Variants in DSCAM observed in about 807,000 individuals in gnomAD.
DSCAM encodes the protein cell adhesion molecule DSCAM.
A neutral mutation model predicts 217.7 loss-of-function variants in DSCAM; 47 were observed. The ratio of observed to expected loss-of-function variants is 0.22; its 90% CI spans 0.17 to 0.28. The LOEUF is 0.28. Among genes scored for constraint, DSCAM ranks in the 10% least tolerant of loss-of-function variants. DSCAM has a pLI of 1.00. For synonymous variants in DSCAM, 1,056 were observed against 1,015.3 expected (o/e 1.04, Z -0.76); for missense variants, 2,080 against 2,618.3 (o/e 0.79, Z 4.49).
At chr21:40,045,255 C>A (rs942247161) in intron 30 of DSCAM, among the ~76,000 whole-genome samples, 3 of 152,188 alleles carry the variant, frequency 2.0e-5, no homozygotes, top group African/African-American at 7.2e-5. Flanking sequence ...CTGTTTTATT[C>A]ATTAAGTTGA....
chr21:40,460,339 A>T (rs932058784), intron 3 of DSCAM, among the ~76,000 whole-genome samples: 1 of 152,210 alleles, frequency 6.6e-6, no homozygotes, highest in Non-Finnish European at 1.5e-5. Context: ...ATAAAAAATA[A>T]AAACAAGTTC....
At chr21:40,612,581 A>G (rs2089330323) in intron 3 of DSCAM, among the ~76,000 whole-genome samples, 1 of 152,240 alleles carries the variant, frequency 6.6e-6, no homozygotes, top group Non-Finnish European at 1.5e-5. Context: ...ATCCTGGAGC[A>G]GACGGGAGTT....
chr21:40,700,243 T>C (rs1004691480), intron 2 of DSCAM, among the ~76,000 whole-genome samples: 18 of 152,222 alleles, frequency 1.2e-4, no homozygotes, highest in South Asian at 2.1e-4. Context: ...AGAATAGAAG[T>C]GGTGAGAGCA....
intron 11 of DSCAM, among the ~76,000 whole-genome samples, chr21:40,272,972 AG>A (rs2073639368): frequency 6.6e-6 from 1 of 152,156 alleles, no homozygotes; most frequent in South Asian, 2.1e-4. Flanking sequence ...ACACCACTCC[AG>A]GGCTGAGCTT....
At chr21:40,784,828 C>T (rs898433620) in intron 1 of DSCAM, among the ~76,000 whole-genome samples, 32 of 152,326 alleles carry the variant, frequency 2.1e-4, no homozygotes, top group African/African-American at 6.3e-4. Flanking sequence ...TAATGTTAGA[C>T]TTTCAGCCTC....
At chr21:40,296,917 A>C (rs150818123) in intron 9 of DSCAM, among the ~76,000 whole-genome samples, 64 of 151,368 alleles carry the variant, frequency 4.2e-4, no homozygotes, top group African/African-American at 1.4e-3. Flanking sequence ...TTCATCTTGG[A>C]TGTGAACTGG....
At chr21:40,316,609 A>G (rs1202305399) in intron 8 of DSCAM, among the ~76,000 whole-genome samples, 2 of 152,196 alleles carry the variant, frequency 1.3e-5, no homozygotes, top group African/African-American at 4.8e-5. Context: ...AAAAGCTTGT[A>G]TATCATAGGA....
At chr21:40,674,790 G>A (rs192356980) in intron 3 of DSCAM, among the ~76,000 whole-genome samples, 1 of 151,748 alleles carries the variant, frequency 6.6e-6, no homozygotes, top group Admixed American at 6.6e-5. Context: ...CTGCCACCAC[G>A]CCCGGCTAAT....
chr21:40,173,703 C>A (rs1160423795), intron 15 of DSCAM, among the ~76,000 whole-genome samples: 4 of 152,138 alleles, frequency 2.6e-5, no homozygotes, highest in Admixed American at 1.3e-4. Flanking sequence ...CCCTCCACCC[C>A]AGCTCAGCAC....
At position 40,114,503 on chromosome 21, in the gene DSCAM, G is replaced by A. The variant is rs368397859; in HGVS notation, c.3696+9692C>T. Among the ~76,000 whole-genome samples the A allele has an allele frequency of 5.9e-5, 9 of 151,618 alleles. 1 individual carries two copies. The South Asian group carries it at 1.7e-3, about 28-fold the overall frequency. On this transcript the variant is annotated intron_variant, in intron 20 of 32. Coordinates refer to ENST00000400454, the MANE Select transcript of DSCAM (RefSeq NM_001389.5). ...AATACCATTCAGGACATAGGCATGG[G>A]CAAGGACTTCATGTCTAAAACACCA...
chr21:40,182,503 C>T (rs144268425), intron 14 of DSCAM, among the ~76,000 whole-genome samples: 307 of 150,238 alleles, frequency 2.0e-3, no homozygotes, highest in African/African-American at 3.9e-3. Context: ...GTGGACAGGA[C>T]GGAGGCACCG....
At chr21:40,568,804 C>A (rs1297096845) in intron 3 of DSCAM, among the ~76,000 whole-genome samples, 1 of 152,134 alleles carries the variant, frequency 6.6e-6, no homozygotes, top group Non-Finnish European at 1.5e-5. Context: ...GTGAGAGAGG[C>A]CCCAGGAGCT....
At chr21:40,371,505 G>A (rs1263303136) in intron 3 of DSCAM, among the ~76,000 whole-genome samples, 1 of 151,956 alleles carries the variant, frequency 6.6e-6, no homozygotes, top group Non-Finnish European at 1.5e-5. Flanking sequence ...GGCCATGAGT[G>A]GTGGCAAAAT....
chr21:40,315,121 G>A (rs1188289772), intron 8 of DSCAM, among the ~76,000 whole-genome samples: 4 of 152,212 alleles, frequency 2.6e-5, no homozygotes, highest in South Asian at 4.1e-4. Context: ...TAAGAAGGCC[G>A]GGTGTGGTGG....
intron 3 of DSCAM, among the ~76,000 whole-genome samples, chr21:40,562,370 T>C (rs1438902513): frequency 6.6e-6 from 1 of 152,170 alleles, no homozygotes; most frequent in African/African-American, 2.4e-5. Context: ...GCCATGATTG[T>C]TAAGTTTCCT....
At chr21:40,119,295 T>C (rs1644353920) in intron 20 of DSCAM, among the ~76,000 whole-genome samples, 1 of 152,166 alleles carries the variant, frequency 6.6e-6, no homozygotes, top group South Asian at 2.1e-4. Context: ...AGAGGAACTA[T>C]AGGTAGCTTG....
intron 15 of DSCAM, among the ~76,000 whole-genome samples, chr21:40,171,142 A>G (rs939952520): frequency 2.6e-5 from 4 of 152,186 alleles, no homozygotes; most frequent in African/African-American, 9.7e-5. Flanking sequence ...CAGTGGCACT[A>G]TCTCGACTCA....
intron 1 of DSCAM, among the ~76,000 whole-genome samples, chr21:40,723,130 G>A (rs1455183611): frequency 6.7e-6 from 1 of 148,656 alleles, no homozygotes; most frequent in Admixed American, 6.7e-5. Context: ...TTAGGGTAAC[G>A]TAACAGTGTT....
At chr21:40,455,661 G>A (rs984223678) in intron 3 of DSCAM, among the ~76,000 whole-genome samples, 3 of 151,982 alleles carry the variant, frequency 2.0e-5, no homozygotes, top group Non-Finnish European at 2.9e-5. Context: ...CCCAGCTACT[G>A]GGGAGGCTGA....
Sources: allele counts gnomAD v4.1 joint callset (sites outside exome capture counted in the v4.1 genomes callset), GRCh38; gene constraint gnomAD v4.1.1; transcripts MANE v1.5; gene names NCBI Gene and HGNC (gene_info 2026-07-23, HGNC 2026-07-21).